Variants in CIMIP7 observed in about 807,000 individuals in gnomAD.
The protein encoded by CIMIP7 is ciliary microtubule inner protein 7.
the CIMIP7 span, among the ~76,000 whole-genome samples, chr3:49,180,038 C>T: frequency 8.6e-4 from 131 of 152,198 alleles, 2 homozygotes; most frequent in Non-Finnish European, 8.8e-4. Context: ...TTTGGGAGGC[C>T]GAGGCGGACA....
At chr3:49,178,042 C>T in the CIMIP7 span, 1 of 1,599,824 alleles carries the variant, frequency 6.3e-7, no homozygotes, top group South Asian at 1.1e-5. Flanking sequence ...CTGCAGCAGG[C>T]AATAGGGACC....
chr3:49,191,678 G>T, the CIMIP7 span: 1 of 1,528,256 alleles, frequency 6.5e-7, no homozygotes, highest in South Asian at 1.1e-5. Flanking sequence ...TCACCGGCAT[G>T]ACTCAGTCAG....
At chr3:49,185,515 A>G in the CIMIP7 span, among the ~76,000 whole-genome samples, 1 of 151,700 alleles carries the variant, frequency 6.6e-6, no homozygotes, top group African/African-American at 2.4e-5. Context: ...TCAGTGAGCC[A>G]AGATCACACC....
chr3:49,188,293 AT>A, the CIMIP7 span, among the ~76,000 whole-genome samples: 1 of 152,248 alleles, frequency 6.6e-6, no homozygotes, highest in Non-Finnish European at 1.5e-5. Context: ...CAGATGGCAG[AT>A]CAAGTAGGAC....
At chr3:49,190,096 T>C in the CIMIP7 span, 1 of 1,610,454 alleles carries the variant, frequency 6.2e-7, no homozygotes, top group Non-Finnish European at 8.5e-7. Flanking sequence ...GCACTTTCAC[T>C]CTTGAATTGG....
At chr3:49,190,708 C>T in the CIMIP7 span, among the ~76,000 whole-genome samples, 1 of 127,556 alleles carries the variant, frequency 7.8e-6, no homozygotes, top group Non-Finnish European at 1.6e-5. Context: ...CTTGCTCTGT[C>T]TGCAGGCTGG....
chr3:49,178,442 TG>T, the CIMIP7 span: 1 of 1,593,054 alleles, frequency 6.3e-7, no homozygotes, highest in Non-Finnish European at 8.6e-7. Flanking sequence ...CAGCTTAGGC[TG>T]GGGGACTGCC....
At chr3:49,183,704 C>T in the CIMIP7 span, among the ~76,000 whole-genome samples, 2 of 152,190 alleles carry the variant, frequency 1.3e-5, no homozygotes, top group African/African-American at 4.8e-5. Context: ...TACCACATGA[C>T]CCAGCAATTG....
At chr3:49,182,656 G>C in the CIMIP7 span, among the ~76,000 whole-genome samples, 3 of 152,222 alleles carry the variant, frequency 2.0e-5, no homozygotes, top group Non-Finnish European at 4.4e-5. Context: ...GTCCCGCGCC[G>C]TGTGCCCACA....
the CIMIP7 span, chr3:49,191,590 G>A: frequency 1.2e-6 from 1 of 802,384 alleles, no homozygotes; most frequent in Non-Finnish European, 2.2e-6. Flanking sequence ...CTCCAGGGGT[G>A]ACCTCAAGAT....
chr3:49,181,990 C>T, the CIMIP7 span, among the ~76,000 whole-genome samples: 4 of 152,260 alleles, frequency 2.6e-5, no homozygotes, highest in South Asian at 2.1e-4. Context: ...TGCAGACCTC[C>T]GCGGTGAGTG....
chr3:49,180,702 G>A, the CIMIP7 span, among the ~76,000 whole-genome samples: 3 of 151,942 alleles, frequency 2.0e-5, no homozygotes, highest in African/African-American at 4.8e-5. Context: ...AGGCCGAGGC[G>A]GGCGGATCAC....
the CIMIP7 span, chr3:49,178,026 G>A: frequency 6.2e-6 from 10 of 1,606,342 alleles, no homozygotes; most frequent in African/African-American, 1.3e-5. Flanking sequence ...TCCGCCTTCC[G>A]ATTCCCTGCA....
the CIMIP7 span, chr3:49,178,025 C>T: frequency 1.6e-5 from 26 of 1,606,450 alleles, no homozygotes; most frequent in African/African-American, 1.2e-4. Context: ...TTCCGCCTTC[C>T]GATTCCCTGC....
the CIMIP7 span, chr3:49,177,721 G>A: frequency 1.4e-5 from 23 of 1,609,558 alleles, no homozygotes; most frequent in East Asian, 5.1e-4. Context: ...CTTGGGTCTT[G>A]GGATCCCTGG....
the CIMIP7 span, among the ~76,000 whole-genome samples, chr3:49,183,132 G>A: frequency 6.6e-6 from 1 of 152,198 alleles, no homozygotes; most frequent in Admixed American, 6.5e-5. Context: ...AGGAGGTGCC[G>A]AGAGCAAGCA....
At chr3:49,186,757 C>T in the CIMIP7 span, among the ~76,000 whole-genome samples, 11 of 152,114 alleles carry the variant, frequency 7.2e-5, no homozygotes, top group African/African-American at 1.7e-4. Context: ...CACGCACGCA[C>T]GCACGCAGAA....
the CIMIP7 span, among the ~76,000 whole-genome samples, chr3:49,186,636 C>G: frequency 6.6e-6 from 1 of 152,156 alleles, no homozygotes; most frequent in Non-Finnish European, 1.5e-5. Context: ...ATCTCCTGAC[C>G]TCGTGATCCG....
the CIMIP7 span, chr3:49,191,588 G>A: frequency 1.3e-6 from 1 of 795,510 alleles, no homozygotes; most frequent in Non-Finnish European, 2.2e-6. Flanking sequence ...GCCTCCAGGG[G>A]TGACCTCAAG....
Sources: allele counts gnomAD v4.1 joint callset (sites outside exome capture counted in the v4.1 genomes callset), GRCh38; gene constraint gnomAD v4.1.1; transcripts MANE v1.5; gene names NCBI Gene and HGNC (gene_info 2026-07-23, HGNC 2026-07-21).